KIF18A: variants seen among roughly 807,000 people sequenced by gnomAD.
KIF18A encodes the protein kinesin-like protein KIF18A.
A neutral mutation model predicts 103.3 loss-of-function variants in KIF18A; 67 were observed. That is an observed-to-expected ratio of 0.65 (90% CI 0.53 to 0.79). The LOEUF (loss-of-function observed/expected upper bound fraction) is 0.79. Ranked by LOEUF, KIF18A falls within the 30% of genes least tolerant of loss-of-function variation. The probability of loss-of-function intolerance (pLI) is 0.00; values close to 1 mark genes in which losing one functional copy is unlikely to be tolerated. For synonymous variants in KIF18A, 367 were observed against 355.5 expected (o/e 1.03, Z -0.36); for missense variants, 1,032 against 1,062.5 (o/e 0.97, Z 0.40).
intron 10 of KIF18A, chr11:28,076,448 A>G (rs1851091901): frequency 6.6e-6 from 1 of 152,200 alleles, no homozygotes. Flanking sequence ...CAGAAAAACA[A>G]CAGTTGTAAC....
intron 13 of KIF18A, among the ~76,000 whole-genome samples, chr11:28,040,711 GGT>G (rs1850548405): frequency 6.6e-6 from 1 of 151,566 alleles, no homozygotes; most frequent in Admixed American, 6.6e-5. Flanking sequence ...ATATCTCTAG[GGT>G]CTATCTAAGG....
At chr11:28,079,459 C>G (rs1174686360) in intron 9 of KIF18A, among the ~76,000 whole-genome samples, 1 of 152,014 alleles carries the variant, frequency 6.6e-6, no homozygotes, top group Non-Finnish European at 1.5e-5. Flanking sequence ...AAAACTTCAA[C>G]ACACAAATGC....
chr11:28,089,828 T>C (rs542061970), intron 5 of KIF18A, among the ~76,000 whole-genome samples: 22 of 152,354 alleles, frequency 1.4e-4, no homozygotes, highest in Non-Finnish European at 2.2e-4. Context: ...ATTACTTAAT[T>C]ATAAACCCAT....
chr11:28,028,967 A>G (rs1850359218), intron 15 of KIF18A, among the ~76,000 whole-genome samples: 1 of 152,202 alleles, frequency 6.6e-6, no homozygotes, highest in Non-Finnish European at 1.5e-5. Context: ...CACCCTCCCA[A>G]GACTAAACCA....
rs116036252 is a variant in KIF18A, at chr11:28,047,252, G to C, written c.1949-10588C>G. Among the ~76,000 whole-genome samples the C allele has an allele frequency of 6.9e-3, 1,056 of 151,988 alleles. 7 individuals are homozygous for C. Among genetic ancestry groups the C allele is most frequent in the African/African-American group, 0.023 (960 of 41,482 alleles). On this transcript the variant is annotated intron_variant, in intron 13 of 16. Transcript: ENST00000263181. Reference sequence around the variant, plus strand: ...ATGACAAGTCAAATCCAAATAATTTGAAACCAAATGCTTGGTTTTAGTCCA... The same window carrying C: ...ATGACAAGTCAAATCCAAATAATTTCAAACCAAATGCTTGGTTTTAGTCCA...
intron 13 of KIF18A, among the ~76,000 whole-genome samples, chr11:28,057,781 AAAAGGTT>A (rs1850800588): frequency 6.6e-6 from 1 of 152,180 alleles, no homozygotes; most frequent in Non-Finnish European, 1.5e-5. Flanking sequence ...ACTAATAGAA[AAAAGGTT>A]AATTAAATTA....
chr11:28,027,864 C>T (rs1850341239), intron 15 of KIF18A, among the ~76,000 whole-genome samples: 1 of 151,928 alleles, frequency 6.6e-6, no homozygotes, highest in Non-Finnish European at 1.5e-5. Flanking sequence ...CAGTATTACT[C>T]TGATACCAAA....
At chr11:28,031,597 G>GT (rs1305725436) in intron 15 of KIF18A, among the ~76,000 whole-genome samples, 1 of 151,778 alleles carries the variant, frequency 6.6e-6, no homozygotes, top group African/African-American at 2.4e-5. Flanking sequence ...GAGTTAATGG[G>GT]TGCAGCACAC....
Position 28,091,258 on chromosome 11 carries a change from A to G in KIF18A, c.588+151T>C, listed in dbSNP as rs1851300648. The stretch of plus-strand genomic sequence containing the variant: ...TCACTCTATTTTAAAAGAAAACAAA[A>G]TAAGACTAAAAATATACCCTAATCA... On this transcript the variant is annotated intron_variant, in intron 4 of 16. Coordinates refer to ENST00000263181, the MANE Select transcript of KIF18A (RefSeq NM_031217.4). 3.2e-5 allele frequency: 16 copies of G among 504,270 alleles called. No homozygotes were observed. In the South Asian group the frequency reaches 5.8e-4, roughly 18 times the overall value. 31.2% of individuals were successfully genotyped at this position (504,270 alleles called of 1,614,324 possible).
intron 15 of KIF18A, among the ~76,000 whole-genome samples, chr11:28,034,683 TCAGAGTAAGACAGCTGATAG>T (rs1323662094): frequency 6.6e-6 from 1 of 151,780 alleles, no homozygotes; most frequent in Non-Finnish European, 1.5e-5. Context: ...TTTCCCTAGC[TCAGAGTAAGACAGCTGATAG>T]CTCTAAGTTT....
chr11:28,058,020 A>T (rs939290856), intron 13 of KIF18A, among the ~76,000 whole-genome samples: 2 of 152,192 alleles, frequency 1.3e-5, no homozygotes, highest in African/African-American at 4.8e-5. Flanking sequence ...TGCAAAGATA[A>T]ATATTTAACA....
At chr11:28,099,569 T>C (rs1851420086) in intron 1 of KIF18A, among the ~76,000 whole-genome samples, 2 of 152,158 alleles carry the variant, frequency 1.3e-5, no homozygotes, top group South Asian at 4.1e-4. Flanking sequence ...TTGTATCCTA[T>C]AAACTTACAC....
chr11:28,044,495 A>G (rs1850603266), intron 13 of KIF18A, among the ~76,000 whole-genome samples: 2 of 152,256 alleles, frequency 1.3e-5, no homozygotes, highest in South Asian at 2.1e-4. Flanking sequence ...AAATATTTAT[A>G]TGATGCTTTA....
In KIF18A at chr11:28,108,131, C is replaced by T. The variant is rs888975509; in HGVS notation, c.-114G>A. 5 of 152,488 alleles carry T rather than the reference C, an allele frequency of 3.3e-5. No homozygotes were observed. The highest frequency in any genetic ancestry group is 1.2e-4 in the African/African-American group (5 of 41,466). The allele number at this position is 152,488 out of a possible 1,614,324, so 9.4% of individuals were successfully genotyped here. On this transcript the variant is annotated 5_prime_UTR_variant, in exon 1 of 17. Coordinates refer to ENST00000263181, the MANE Select transcript of KIF18A (RefSeq NM_031217.4). Reference sequence around the variant, plus strand: ...CGCAACCACTTCACTTTAATGTCCGCCTCCCAGCGCTTCAGACTCAACCAC... The same window carrying T: ...CGCAACCACTTCACTTTAATGTCCGTCTCCCAGCGCTTCAGACTCAACCAC...
chr11:28,088,783 T>C, intron 5 of KIF18A, 62 bp from the exon 6 acceptor site: 1 of 1,279,920 alleles, frequency 7.8e-7, no homozygotes, highest in Non-Finnish European at 1.1e-6. Flanking sequence ...AAAAGGGAAA[T>C]ATATACTTTA....
At chr11:28,039,914 A>T (rs374268032) in intron 13 of KIF18A, among the ~76,000 whole-genome samples, 1 of 151,846 alleles carries the variant, frequency 6.6e-6, no homozygotes, top group African/African-American at 2.4e-5. Context: ...CTCAATTATT[A>T]AGTTCAGATA....
chr11:28,077,212 A>T (rs1281036274), intron 9 of KIF18A, 43 bp from the exon 10 acceptor site: 1 of 1,387,420 alleles, frequency 7.2e-7, no homozygotes, highest in Non-Finnish European at 9.7e-7. Flanking sequence ...CTAATTTTGT[A>T]GCAAATCATA....
At chr11:28,040,846 G>GT (rs1385654548) in intron 13 of KIF18A, among the ~76,000 whole-genome samples, 4 of 151,720 alleles carry the variant, frequency 2.6e-5, no homozygotes, top group Non-Finnish European at 2.9e-5. Context: ...TCAACATATT[G>GT]TAAGTGTGCT....
intron 5 of KIF18A, among the ~76,000 whole-genome samples, chr11:28,089,168 T>C (rs1390275039): frequency 6.6e-6 from 1 of 152,200 alleles, no homozygotes; most frequent in Non-Finnish European, 1.5e-5. Context: ...AGTAAATTTA[T>C]TCTAATCCCC....
Sources: allele counts gnomAD v4.1 joint callset (sites outside exome capture counted in the v4.1 genomes callset), GRCh38; gene constraint gnomAD v4.1.1; transcripts MANE v1.5; gene names NCBI Gene and HGNC (gene_info 2026-07-23, HGNC 2026-07-21).